The following RHNO1 variants were observed in gnomAD, a reference collection of about 807,000 sequenced individuals.
The protein encoded by RHNO1 is RAD9-HUS1-RAD1 interacting nuclear orphan 1, also known as RAD9, HUS1, RAD1-interacting nuclear orphan protein 1.
Under a neutral mutation model 7.2 loss-of-function variants are expected in RHNO1, and 9 were observed. The observed-to-expected ratio is 1.25, with a 90% CI of 0.75 to 2.18. RHNO1 has a LOEUF of 2.18. Among genes scored for constraint, RHNO1 ranks in the 30% most tolerant of loss-of-function variants. The pLI is 0.00. For missense variants in RHNO1, 292 were observed against 284.5 expected, an observed-to-expected ratio of 1.03 and a Z score of -0.19; for synonymous variants, 95 against 107.5, an observed-to-expected ratio of 0.88 and a Z score of 0.72.
rs1233940619 is a variant in RHNO1 at position 2,888,378 on chromosome 12, A to G, written c.636A>G (p.Thr212=). 9 of 1,614,006 alleles carry G rather than the reference A, an allele frequency of 5.6e-6. 1 individual carries two copies. The highest frequency in any genetic ancestry group is 5.0e-5 in the Admixed American group (3 of 59,972). The part of the protein sequence containing the change: ...TPEDKYGIKV[T]WRRRQHLLAY... The stretch of plus-strand genomic sequence containing the variant: ...AGGACAAGTATGGAATAAAGGTCAC[A>G]TGGAGGAGACGACAGCACCTGCTTG... Residue 212 remains threonine, a synonymous_variant, in exon 3 of 3, where the codon ACA becomes ACG. Coordinates refer to ENST00000489288, the MANE Select transcript of RHNO1 (RefSeq NM_001252499.3).
chr12:2,886,014 G>A (rs2098165254), intron 2 of RHNO1: 1 of 152,594 alleles, frequency 6.6e-6, no homozygotes, highest in Admixed American at 6.6e-5. Flanking sequence ...TAAGATTCAT[G>A]GGGGCGGGGG....
At chr12:2,883,063 T>G (rs2098160034) in intron 1 of RHNO1, among the ~76,000 whole-genome samples, 1 of 54,000 alleles carries the variant, frequency 1.9e-5, no homozygotes, top group Admixed American at 2.1e-4. Context: ...CAAGGCCCTG[T>G]CTCAAAAAAA....
chr12:2,886,628 C>A (rs941462104), intron 2 of RHNO1, among the ~76,000 whole-genome samples: 4 of 142,316 alleles, frequency 2.8e-5, no homozygotes, highest in African/African-American at 1.1e-4. Context: ...TGCACTCCAG[C>A]CTGGGCAACA....
chr12:2,883,421 TTGTTAA>T (rs2098160791), intron 1 of RHNO1, among the ~76,000 whole-genome samples: 1 of 143,694 alleles, frequency 7.0e-6, no homozygotes, highest in African/African-American at 2.5e-5. Flanking sequence ...GGCTGGATAT[TTGTTAA>T]TGTTAAAGAA....
chr12:2,883,181 C>A (rs576039267), intron 1 of RHNO1, among the ~76,000 whole-genome samples: 72 of 150,976 alleles, frequency 4.8e-4, no homozygotes, highest in Non-Finnish European at 8.8e-4. Flanking sequence ...GAATTCAAGA[C>A]TAGCCTGGGC....
At chr12:2,883,509 A>ATGTTTTTTTTTTTTT (rs1169837648) in intron 1 of RHNO1, among the ~76,000 whole-genome samples, 1 of 24,232 alleles carries the variant, frequency 4.1e-5, no homozygotes, top group African/African-American at 2.8e-4. Flanking sequence ...ATATATATAT[A>ATGTTTTTTTTTTTTT]TATTTTTTTT....
chr12:2,877,613 G>A (rs1004665570), intron 1 of RHNO1, among the ~76,000 whole-genome samples: 1 of 146,554 alleles, frequency 6.8e-6, no homozygotes, highest in African/African-American at 2.8e-5. Context: ...TGAGGGCTGC[G>A]TATTATCTCC....
chr12:2,878,232 T>A (rs1165895678), intron 1 of RHNO1: 5 of 152,230 alleles, frequency 3.3e-5, no homozygotes, highest in Non-Finnish European at 7.3e-5. Context: ...AATGATACTT[T>A]GAGTATTTAC....
At chr12:2,877,208 CG>C (rs1178688224), upstream of RHNO1, 1 of 152,272 alleles carries the variant, frequency 6.6e-6, no homozygotes, top group Non-Finnish European at 1.5e-5. Flanking sequence ...CAATCGGCGC[CG>C]GCCTTGTCTC....
In RHNO1 at chr12:2,885,315, C is replaced by G. The variant is rs1288400072; in HGVS notation, c.-52C>G. 1 of 1,538,582 alleles carries G rather than the reference C, an allele frequency of 6.5e-7. No individual in the cohort carries two copies. The highest frequency in any genetic ancestry group is 8.8e-7 in the Non-Finnish European group (1 of 1,134,418). On this transcript the variant is annotated 5_prime_UTR_variant, in exon 2 of 3. Coordinates refer to ENST00000489288, the MANE Select transcript of RHNO1 (RefSeq NM_001252499.3). ...TTGGAATTGGAGCCTATCCCCCAAC[C>G]CGAAGGCTAACAGCATCATGTGGTT...
chr12:2,877,422 C>T (rs1412383841), intron 1 of RHNO1, 140 bp downstream of exon 1: 1 of 152,196 alleles, frequency 6.6e-6, no homozygotes, highest in South Asian at 2.1e-4. Context: ...AGGCCCGGGT[C>T]CCTGGGCCCG....
intron 1 of RHNO1, among the ~76,000 whole-genome samples, chr12:2,883,980 A>G (rs2098162320): frequency 2.6e-5 from 4 of 152,056 alleles, no homozygotes. Flanking sequence ...TCTGGAGTGA[A>G]AAATTTTTTA....
At chr12:2,883,507 ATATATTTTTTTTTTTT>A (rs1347954853) in intron 1 of RHNO1, among the ~76,000 whole-genome samples, 12 of 26,236 alleles carry the variant, frequency 4.6e-4, no homozygotes, top group African/African-American at 2.8e-3. Flanking sequence ...ATATATATAT[ATATATTTTTTTTTTTT>A]TTTTTTTTTT....
rs1244663256 is a variant in RHNO1, at chr12:2,888,925, C to CT, written c.*469dup. Reference sequence around the variant, plus strand: ...ATTTTTAAAATATCTTGTAGTAACTCTTTAAAATGTATGTAAGTAAATGGC... The same window carrying CT: ...ATTTTTAAAATATCTTGTAGTAACTCTTTTAAAATGTATGTAAGTAAATGGC... On this transcript the variant is annotated 3_prime_UTR_variant, in exon 3 of 3. Coordinates refer to ENST00000489288, the MANE Select transcript of RHNO1 (RefSeq NM_001252499.3). The CT allele has an allele frequency of 6.5e-6, 1 of 152,794 alleles. No individual in the cohort carries two copies. The highest frequency in any genetic ancestry group is 1.5e-5 in the Non-Finnish European group (1 of 68,504). The allele number at this position is 152,794 out of a possible 1,614,324, so 9.5% of individuals were successfully genotyped here.
intron 1 of RHNO1, among the ~76,000 whole-genome samples, chr12:2,879,977 T>C (rs1452460568): frequency 6.6e-6 from 1 of 152,010 alleles, no homozygotes; most frequent in Non-Finnish European, 1.5e-5. Context: ...CTTTGTCAAG[T>C]AGGAAGTAAA....
upstream of RHNO1, chr12:2,877,061 G>C (rs1293073772): frequency 6.6e-6 from 1 of 151,990 alleles, no homozygotes; most frequent in Non-Finnish European, 1.5e-5. Context: ...GGCGGGGTGG[G>C]AACCCCGGGG....
At chr12:2,882,335 C>G (rs912228162) in intron 1 of RHNO1, among the ~76,000 whole-genome samples, 1 of 151,590 alleles carries the variant, frequency 6.6e-6, no homozygotes, top group African/African-American at 2.4e-5. Context: ...AAAAGATGCT[C>G]TAGGCACCTT....
At chr12:2,885,638 G>A (rs1050082466) in intron 2 of RHNO1, 104 bp downstream of exon 2, 116 of 1,049,478 alleles carry the variant, frequency 1.1e-4, no homozygotes, top group Non-Finnish European at 1.5e-4. Context: ...ACAGTGGCGC[G>A]ATCTTGGCTC....
intron 1 of RHNO1, among the ~76,000 whole-genome samples, chr12:2,878,778 T>G (rs1860433): frequency 0.15 from 23,002 of 151,406 alleles, 2,050 homozygotes; most frequent in South Asian, 0.26. Flanking sequence ...TGACAGGGCT[T>G]GATGGTGGGT....
Sources: allele counts gnomAD v4.1 joint callset (sites outside exome capture counted in the v4.1 genomes callset), GRCh38; gene constraint gnomAD v4.1.1; transcripts MANE v1.5; gene names NCBI Gene and HGNC (gene_info 2026-07-23, HGNC 2026-07-21).